Variants in CCDC7 observed in about 807,000 individuals in gnomAD.
CCDC7 encodes the protein coiled-coil domain-containing protein 7.
Under a neutral mutation model 196.9 loss-of-function variants are expected in CCDC7, and 183 were observed. That is an observed-to-expected ratio of 0.93 (90% CI 0.82 to 1.05). The LOEUF (loss-of-function observed/expected upper bound fraction) is 1.05, where lower values mean the gene tolerates loss of function less well. CCDC7 is among the 50% of genes least tolerant of loss of function. The pLI is 0.00. For synonymous variants in CCDC7, 525 were observed against 484.6 expected, an observed-to-expected ratio of 1.08 and a Z score of -1.10; for missense variants, 1,540 against 1,482.2, an observed-to-expected ratio of 1.04 and a Z score of -0.64.
chr10:32,584,507 C>G (rs768736622), intron 18 of CCDC7, among the ~76,000 whole-genome samples: 3 of 151,178 alleles, frequency 2.0e-5, no homozygotes, highest in Non-Finnish European at 4.4e-5. Context: ...CCTGTAATCC[C>G]AGCACTTTGG....
chr10:32,757,864 A>G (rs1000161171), intron 28 of CCDC7, among the ~76,000 whole-genome samples: 1 of 152,240 alleles, frequency 6.6e-6, no homozygotes, highest in Non-Finnish European at 1.5e-5. Context: ...TAGCAAGACT[A>G]ATAAAGAAGA....
At chr10:32,708,632 C>A (rs2080236147) in intron 24 of CCDC7, among the ~76,000 whole-genome samples, 1 of 152,072 alleles carries the variant, frequency 6.6e-6, no homozygotes, top group African/African-American at 2.4e-5. Context: ...AAGAAAAAAT[C>A]AAACAACCCC....
chr10:32,750,994 T>G (rs942016101), intron 28 of CCDC7, among the ~76,000 whole-genome samples: 1 of 152,146 alleles, frequency 6.6e-6, no homozygotes, highest in African/African-American at 2.4e-5. Context: ...TAAGAAATAA[T>G]TAATGGACAG....
chr10:32,729,263 G>A (rs1304628287), intron 27 of CCDC7, 69 bp from the exon 29 acceptor site: 1 of 1,390,008 alleles, frequency 7.2e-7, no homozygotes, highest in East Asian at 2.4e-5. Context: ...TTACTTCCAT[G>A]GGTTGAAATT....
At chr10:32,594,534 C>G (rs1013077719) in intron 18 of CCDC7, among the ~76,000 whole-genome samples, 2 of 152,092 alleles carry the variant, frequency 1.3e-5, no homozygotes, top group South Asian at 2.1e-4. Flanking sequence ...AATTGAATAC[C>G]CTTTATTTCT....
chr10:32,506,807 A>T (rs1045431647), intron 9 of CCDC7, among the ~76,000 whole-genome samples: 3 of 149,002 alleles, frequency 2.0e-5, no homozygotes, highest in African/African-American at 7.8e-5. Context: ...AGCCGAGATC[A>T]TGGCAGTACA....
intron 24 of CCDC7, among the ~76,000 whole-genome samples, chr10:32,695,987 A>G (rs2077661863): frequency 1.2e-5 from 1 of 80,896 alleles, no homozygotes; most frequent in Admixed American, 1.8e-4. Context: ...TAAGCACAGC[A>G]ATGAAGACTT....
chr10:32,874,215 T>C (rs2094525817), intron 41 of CCDC7, among the ~76,000 whole-genome samples: 1 of 149,412 alleles, frequency 6.7e-6, no homozygotes, highest in South Asian at 2.1e-4. Context: ...GTGTATATAA[T>C]TTAATATAAA....
Position 32,568,006 on chromosome 10 carries a change from G to GT in CCDC7, c.1419+134dup, listed in dbSNP as rs35485110. ...TAAAAATTCATGCCTCTGTTTTTGG[G>GT]TTTTTTTTTTTTTTTTTTTGAGATG... is the stretch of plus-strand genomic sequence containing the variant. On this transcript the variant is annotated intron_variant, in intron 15 of 41. Transcript: ENST00000639629. The GT allele has an allele frequency of 3.5e-3, 2,106 of 598,248 alleles. 22 individuals are homozygous for GT. The highest frequency in any genetic ancestry group is 0.031 in the African/African-American group (840 of 26,896). 37.1% of individuals were successfully genotyped at this position (598,248 alleles called of 1,614,324 possible). A position where few individuals can be genotyped will look rare whatever the true frequency, so the allele number is the denominator to read the frequency against.
chr10:32,739,429 T>C (rs187071502), intron 28 of CCDC7, among the ~76,000 whole-genome samples: 1 of 152,242 alleles, frequency 6.6e-6, no homozygotes, highest in Admixed American at 6.5e-5. Context: ...TCAAAGGCAT[T>C]CTTAATTTCT....
At chr10:32,499,137 G>GA (rs1327838122) in intron 9 of CCDC7, 1 of 138,740 alleles carries the variant, frequency 7.2e-6, no homozygotes, top group Non-Finnish European at 1.5e-5. Context: ...AATGAACTCA[G>GA]AAAAAATGAA....
chr10:32,786,970 C>G (rs972008083), intron 29 of CCDC7, among the ~76,000 whole-genome samples: 5 of 151,558 alleles, frequency 3.3e-5, no homozygotes, highest in African/African-American at 1.2e-4. Context: ...TCTGAGCAGA[C>G]GAAAGAAGAA....
intron 20 of CCDC7, among the ~76,000 whole-genome samples, chr10:32,639,897 G>C (rs568045229): frequency 6.6e-6 from 1 of 152,132 alleles, no homozygotes; most frequent in African/African-American, 2.4e-5. Context: ...GATTACAAGC[G>C]TGAGCCACTG....
Position 32,824,577 on chromosome 10 carries a change from ACG to A in CCDC7, c.3243_3244del (p.Gln1082ValfsTer8). 1 of 1,611,832 alleles carries A rather than the reference ACG, an allele frequency of 6.2e-7. No individual in the cohort carries two copies. Among genetic ancestry groups the A allele is most frequent in the Admixed American group, 1.7e-5 (1 of 59,906 alleles). ...AGGTACAATAAATGATGCAATTAAG[ACG>A]CAGTTAAAGAGAAAGAGTTACCCTG... On this transcript the variant is annotated frameshift_variant, in exon 32 of 42. Transcript: ENST00000639629. LOFTEE classifies it high-confidence loss of function.
chr10:32,829,284 C>G (rs930710180), intron 32 of CCDC7, among the ~76,000 whole-genome samples: 3 of 152,136 alleles, frequency 2.0e-5, no homozygotes, highest in Non-Finnish European at 4.4e-5. Flanking sequence ...TCATAGCCTG[C>G]TGAGGTGCTT....
chr10:32,851,963 G>T (rs781315097), intron 40 of CCDC7, 31 bp downstream of exon 41: 2 of 1,553,968 alleles, frequency 1.3e-6, no homozygotes, highest in South Asian at 2.5e-5. Context: ...TGTACAGTGT[G>T]ATTTTTAAAA....
intron 8 of CCDC7, among the ~76,000 whole-genome samples, chr10:32,482,551 G>A (rs1010405578): frequency 5.9e-5 from 9 of 152,008 alleles, no homozygotes; most frequent in African/African-American, 2.2e-4. Flanking sequence ...ACAACGTGCA[G>A]GTTAGTTACA....
intron 24 of CCDC7, among the ~76,000 whole-genome samples, chr10:32,704,172 G>T (rs1037083297): frequency 6.6e-6 from 1 of 152,026 alleles, no homozygotes; most frequent in South Asian, 2.1e-4. Context: ...GGATGGCGAC[G>T]TACAGATGGG....
chr10:32,759,183 G>C lies in CCDC7; in HGVS notation c.2906-19794G>C, dbSNP rs1243795298. ...GCCATACTGCCCAAGGTAATTTATAGATTCAATGCCATCCCCATCAAGCTA... is the reference window on the plus strand; with the variant it reads ...GCCATACTGCCCAAGGTAATTTATACATTCAATGCCATCCCCATCAAGCTA... On this transcript the variant is annotated intron_variant, in intron 28 of 41. Transcript: ENST00000639629. 5.9e-5 allele frequency among the ~76,000 whole-genome samples: 9 copies of C among 152,244 alleles called. 1 individual carries two copies. In the South Asian group the frequency reaches 1.5e-3, roughly 25 times the overall value.
Sources: allele counts gnomAD v4.1 joint callset (sites outside exome capture counted in the v4.1 genomes callset), GRCh38; gene constraint gnomAD v4.1.1; transcripts MANE v1.5; gene names NCBI Gene and HGNC (gene_info 2026-07-23, HGNC 2026-07-21).